The following KDM2A variants were observed in gnomAD, a reference collection of about 807,000 sequenced individuals.
KDM2A encodes the protein lysine-specific demethylase 2A.
In KDM2A, 3 loss-of-function variants were observed where a neutral mutation model predicts 137.3. The ratio of observed to expected loss-of-function variants is 0.02; its 90% CI spans 0.01 to 0.06. The LOEUF (loss-of-function observed/expected upper bound fraction) is 0.06, where lower values mean the gene tolerates loss of function less well. Ranked by LOEUF, KDM2A falls within the 10% of genes least tolerant of loss-of-function variation. KDM2A has a pLI of 1.00. For missense variants in KDM2A, 738 were observed against 1,510.6 expected, an observed-to-expected ratio of 0.49 and a Z score of 8.48; for synonymous variants, 512 against 541.5, an observed-to-expected ratio of 0.95 and a Z score of 0.76.
intron 8 of KDM2A, chr11:67,217,410 A>G (rs1858200226): frequency 9.1e-6 from 3 of 329,640 alleles, no homozygotes; most frequent in Non-Finnish European, 1.7e-5. Flanking sequence ...TAACTGTACT[A>G]CTTAGGACTC....
At chr11:67,237,881 C>T (rs975820605) in intron 12 of KDM2A, among the ~76,000 whole-genome samples, 2 of 151,552 alleles carry the variant, frequency 1.3e-5, no homozygotes, top group African/African-American at 4.9e-5. Context: ...TCATCTACCA[C>T]TGCACTTTAG....
At chr11:67,135,762 T>C (rs1855958784) in intron 2 of KDM2A, among the ~76,000 whole-genome samples, 1 of 152,224 alleles carries the variant, frequency 6.6e-6, no homozygotes, top group Non-Finnish European at 1.5e-5. Context: ...TCACCATTCT[T>C]GGGGTTGCCA....
chr11:67,127,479 T>A lies in KDM2A; in HGVS notation c.42+6121T>A, dbSNP rs544981972. Among the ~76,000 whole-genome samples the A allele has an allele frequency of 2.0e-5, 3 of 151,942 alleles. No individual in the cohort carries two copies. The South Asian group carries it at 6.2e-4, about 32-fold the overall frequency. On this transcript the variant is annotated intron_variant, in intron 2 of 20. Transcript: ENST00000529006. ...AGCACTTTCACCTAGCAAAAAAAAATAAAAAATAAGAAATTGAGAGCTTTT... is the reference window on the plus strand; with the variant it reads ...AGCACTTTCACCTAGCAAAAAAAAAAAAAAAATAAGAAATTGAGAGCTTTT...
Position 67,188,204 on chromosome 11 carries a change from C to T in KDM2A, c.307+6312C>T, listed in dbSNP as rs868037860. On this transcript the variant is annotated intron_variant, in intron 5 of 20. Transcript: ENST00000529006. ...TGTGTCTTGAAAGAAAGAGGCTGGG[C>T]GCAGTGACTCACGCTTGTAATCCCA... is the stretch of plus-strand genomic sequence containing the variant. 6.6e-5 allele frequency among the ~76,000 whole-genome samples: 10 copies of T among 151,352 alleles called. No homozygotes were observed. In the East Asian group the frequency reaches 9.9e-4, roughly 15 times the overall value.
At chr11:67,221,929 A>C (rs1440160624) in intron 10 of KDM2A, among the ~76,000 whole-genome samples, 1 of 151,726 alleles carries the variant, frequency 6.6e-6, no homozygotes, top group African/African-American at 2.4e-5. Flanking sequence ...AGTGAGACAC[A>C]GTCTGTTAAT....
At position 67,174,627 on chromosome 11, in the gene KDM2A, A is replaced by G. The variant is rs963812257; in HGVS notation, c.43-5452A>G. 2.6e-5 allele frequency among the ~76,000 whole-genome samples: 4 copies of G among 152,190 alleles called. No homozygotes were observed. The South Asian group carries it at 6.2e-4, about 24-fold the overall frequency. On this transcript the variant is annotated intron_variant, in intron 2 of 20. Transcript: ENST00000529006. ...TAACTACCAGTACTTGAGTTAATCT[A>G]AGTATTCCATTTATGTGGCCATTTT...
At chr11:67,244,393 C>T (rs1443897460) in intron 13 of KDM2A, among the ~76,000 whole-genome samples, 1 of 152,138 alleles carries the variant, frequency 6.6e-6, no homozygotes, top group Non-Finnish European at 1.5e-5. Flanking sequence ...ATGAACAAGA[C>T]TAGTTTCACC....
intron 12 of KDM2A, among the ~76,000 whole-genome samples, chr11:67,238,918 G>GT (rs1858945584): frequency 6.6e-6 from 1 of 152,228 alleles, no homozygotes; most frequent in African/African-American, 2.4e-5. Context: ...CAACCAGAGT[G>GT]TGCACCCTCC....
intron 2 of KDM2A, among the ~76,000 whole-genome samples, chr11:67,142,197 C>A (rs559647164): frequency 6.6e-6 from 1 of 151,696 alleles, no homozygotes; most frequent in Non-Finnish European, 1.5e-5. Context: ...TCACCACGCC[C>A]GGCTAATTTC....
chr11:67,170,569 C>A (rs1856861908), intron 2 of KDM2A, among the ~76,000 whole-genome samples: 1 of 151,912 alleles, frequency 6.6e-6, no homozygotes, highest in Non-Finnish European at 1.5e-5. Context: ...CCTGCTACCA[C>A]ACCGGGCTAA....
intron 5 of KDM2A, among the ~76,000 whole-genome samples, chr11:67,207,081 A>T (rs978250690): frequency 6.6e-6 from 1 of 152,236 alleles, no homozygotes; most frequent in Admixed American, 6.5e-5. Context: ...TCAAATTATG[A>T]GATAGATTAG....
chr11:67,247,462 C>T lies in KDM2A; in HGVS notation c.1966-819C>T, dbSNP rs1236581887. 3.7e-5 allele frequency among the ~76,000 whole-genome samples: 5 copies of T among 133,854 alleles called. No individual in the cohort carries two copies. In the Admixed American group the frequency reaches 4.1e-4, roughly 11 times the overall value. 87.8% of individuals were successfully genotyped at this position (133,854 alleles called of 152,430 possible). A position where few individuals can be genotyped will look rare whatever the true frequency, so the allele number is the denominator to read the frequency against. On this transcript the variant is annotated intron_variant, in intron 15 of 20. Transcript: ENST00000529006. ...TTTTTTTTTAAGACATGGTCTCCCT[C>T]TGTTGCCCAGGCTGGAGTATAGTGG...
At chr11:67,186,471 C>T (rs1369582752) in intron 5 of KDM2A, among the ~76,000 whole-genome samples, 3 of 152,292 alleles carry the variant, frequency 2.0e-5, no homozygotes, top group African/African-American at 4.8e-5. Flanking sequence ...GCTAAGGAAA[C>T]TTGTTACCAC....
At chr11:67,137,994 C>G (rs1214396864) in intron 2 of KDM2A, among the ~76,000 whole-genome samples, 1 of 152,112 alleles carries the variant, frequency 6.6e-6, no homozygotes, top group Non-Finnish European at 1.5e-5. Flanking sequence ...GACGGGGTTT[C>G]ACCATGTTGG....
intron 2 of KDM2A, among the ~76,000 whole-genome samples, chr11:67,125,941 T>TC (rs1467232190): frequency 1.8e-5 from 1 of 55,078 alleles, no homozygotes; most frequent in East Asian, 5.6e-4. Flanking sequence ...AGGCTTCACC[T>TC]CAAAAAAAAA....
intron 2 of KDM2A, among the ~76,000 whole-genome samples, chr11:67,167,969 T>C (rs796399563): frequency 2.0e-5 from 3 of 152,184 alleles, no homozygotes; most frequent in South Asian, 4.1e-4. Context: ...AAGTTTTATA[T>C]AGATCAAAAG....
chr11:67,205,328 G>A (rs755378342), intron 5 of KDM2A, among the ~76,000 whole-genome samples: 2 of 151,924 alleles, frequency 1.3e-5, no homozygotes, highest in Non-Finnish European at 2.9e-5. Context: ...TATATATTCT[G>A]CCTTGTCTAT....
At position 67,250,727 on chromosome 11, in the gene KDM2A, G is replaced by A. The variant is rs755880113; in HGVS notation, c.2697G>A (p.Met899Ile). ...DESWMQREVW[M>I]SVFRYLSRRE... is the part of the protein sequence containing the mutation. ...GCTGGATGCAGCGGGAGGTCTGGAT[G>A]TCTGTCTTCCGCTACCTCAGCCGCA... The change falls in exon 17 of 21, where the codon ATG (methionine) becomes ATA (isoleucine). Residue 899 changes from methionine to isoleucine, a missense_variant. Around this residue, in one of 9 missense-constraint regions of KDM2A, gnomAD observed 244 missense variants for 324.6 expected, o/e 0.75. Coordinates refer to ENST00000529006, the MANE Select transcript of KDM2A (RefSeq NM_012308.3). This position sits in a 1 kb window ranked among gnomAD's most constrained non-coding sequence, Gnocchi z 7.1. 12 of 1,567,084 alleles carry A rather than the reference G, an allele frequency of 7.7e-6. No individual in the cohort carries two copies. Among genetic ancestry groups the A allele is most frequent in the Non-Finnish European group, 1.0e-5 (12 of 1,155,580 alleles).
At chr11:67,139,550 T>C (rs1050577556) in intron 2 of KDM2A, among the ~76,000 whole-genome samples, 1 of 151,464 alleles carries the variant, frequency 6.6e-6, no homozygotes, top group African/African-American at 2.4e-5. Context: ...CAGCCTCTTT[T>C]TGTTTTTTAG....
Sources: gnomAD v4.1 joint callset for allele counts (sites outside exome capture counted in the v4.1 genomes callset) on GRCh38, gnomAD v4.1.1 for gene constraint, gnomAD v4.1.1 regional missense constraint, Gnocchi (gnomAD v3.1) non-coding constraint, MANE v1.5 for transcripts, NCBI Gene and HGNC (gene_info 2026-07-23, HGNC 2026-07-21) for gene names.